LINGO2: variants seen among roughly 807,000 people sequenced by gnomAD.
LINGO2 encodes leucine rich repeat and Ig domain containing 2, also known as leucine-rich repeat and immunoglobulin-like domain-containing nogo receptor-interacting protein 2.
A neutral mutation model predicts 30.6 loss-of-function variants in LINGO2; 14 were observed. That is an observed-to-expected ratio of 0.46 (90% CI 0.30 to 0.72). The LOEUF is 0.72. Among genes scored for constraint, LINGO2 ranks in the 30% least tolerant of loss-of-function variants. The pLI is 0.07. For synonymous variants in LINGO2, 317 were observed against 288.5 expected, an observed-to-expected ratio of 1.10 and a Z score of -1.00; for missense variants, 729 against 751.7, an observed-to-expected ratio of 0.97 and a Z score of 0.35.
chr9:28,607,404 T>C (rs1398818244), intron 1 of LINGO2, among the ~76,000 whole-genome samples: 2 of 151,988 alleles, frequency 1.3e-5, no homozygotes, highest in Non-Finnish European at 2.9e-5. Context: ...TATTTTTTCC[T>C]ACTCACAGAA....
chr9:28,754,709 C>A, the LINGO2 span, among the ~76,000 whole-genome samples: 85 of 151,724 alleles, frequency 5.6e-4, 1 homozygote, highest in African/African-American at 2.0e-3. Context: ...CAGCTCCCTG[C>A]AACCTCCACC....
chr9:29,148,593 G>A, the LINGO2 span, among the ~76,000 whole-genome samples: 1 of 152,046 alleles, frequency 6.6e-6, no homozygotes, highest in Admixed American at 6.6e-5. Context: ...TTTATTCCCT[G>A]TTAATTTGGA....
the LINGO2 span, among the ~76,000 whole-genome samples, chr9:29,103,900 AC>A: frequency 6.6e-6 from 1 of 152,204 alleles, no homozygotes; most frequent in Non-Finnish European, 1.5e-5. Context: ...CCCAACTTCA[AC>A]TTTTAATAGC....
At chr9:28,762,555 T>G in the LINGO2 span, among the ~76,000 whole-genome samples, 2 of 152,038 alleles carry the variant, frequency 1.3e-5, no homozygotes, top group African/African-American at 4.8e-5. Context: ...CAATGTTTAA[T>G]TAAAGGTTTA....
chr9:28,097,683 G>T (rs11791481), intron 4 of LINGO2, among the ~76,000 whole-genome samples: 20,527 of 115,116 alleles, frequency 0.18, 2,049 homozygotes, highest in Non-Finnish European at 0.21. Context: ...TGGGGACTGT[G>T]GTGGGGTCGG....
At chr9:28,255,502 C>G (rs1003576056) in intron 4 of LINGO2, among the ~76,000 whole-genome samples, 2 of 152,062 alleles carry the variant, frequency 1.3e-5, no homozygotes, top group Non-Finnish European at 2.9e-5. Flanking sequence ...AGTAGGGATA[C>G]TGTTGGGACT....
chr9:27,941,119 G>C, the LINGO2 span: 2 of 152,136 alleles, frequency 1.3e-5, no homozygotes, highest in Admixed American at 1.3e-4. Context: ...TCTCTCTCTA[G>C]GGGCAAGCTT....
chr9:28,557,406 T>C (rs1302328668), intron 1 of LINGO2, among the ~76,000 whole-genome samples: 1 of 152,096 alleles, frequency 6.6e-6, no homozygotes, highest in Non-Finnish European at 1.5e-5. Flanking sequence ...ATGCTCATCA[T>C]CACTGGCCAT....
chr9:28,647,121 T>C (rs1487556854), intron 1 of LINGO2, among the ~76,000 whole-genome samples: 1 of 152,102 alleles, frequency 6.6e-6, no homozygotes, highest in East Asian at 1.9e-4. Flanking sequence ...GCTACTGCCA[T>C]GATTGATACC....
At chr9:28,714,188 T>TACACAC in the LINGO2 span, among the ~76,000 whole-genome samples, 1 of 73,366 alleles carries the variant, frequency 1.4e-5, no homozygotes, top group African/African-American at 6.1e-5. Context: ...TATATATATA[T>TACACAC]ACACACATAC....
chr9:28,757,448 C>T, the LINGO2 span, among the ~76,000 whole-genome samples: 1 of 151,898 alleles, frequency 6.6e-6, no homozygotes, highest in African/African-American at 2.4e-5. Context: ...AATTTGTATT[C>T]AAATTGTGGT....
At chr9:28,401,161 CT>C (rs915860207) in intron 2 of LINGO2, among the ~76,000 whole-genome samples, 5 of 151,822 alleles carry the variant, frequency 3.3e-5, no homozygotes, top group South Asian at 2.1e-4. Context: ...TTTAAATGTT[CT>C]TTTTTTTCCT....
chr9:28,123,627 C>T (rs370842372), intron 4 of LINGO2, among the ~76,000 whole-genome samples: 4 of 152,020 alleles, frequency 2.6e-5, no homozygotes, highest in African/African-American at 9.7e-5. Flanking sequence ...AAATGTGAAC[C>T]CTTCTATAAA....
At chr9:28,858,406 G>C in the LINGO2 span, among the ~76,000 whole-genome samples, 3 of 152,046 alleles carry the variant, frequency 2.0e-5, no homozygotes, top group East Asian at 5.8e-4. Flanking sequence ...TAGAACTACT[G>C]ATCTAATTTC....
the LINGO2 span, among the ~76,000 whole-genome samples, chr9:29,113,180 A>C: frequency 6.6e-6 from 1 of 152,356 alleles, no homozygotes; most frequent in South Asian, 2.1e-4. Flanking sequence ...GCACTAACTT[A>C]TTATAACATG....
chr9:28,377,686 A>G (rs1821184638), intron 2 of LINGO2, among the ~76,000 whole-genome samples: 1 of 152,182 alleles, frequency 6.6e-6, no homozygotes, highest in South Asian at 2.1e-4. Flanking sequence ...CCTTAATTAT[A>G]CTAGCCTATT....
chr9:27,959,981 T>C (rs143223992), intron 5 of LINGO2, among the ~76,000 whole-genome samples: 209 of 152,282 alleles, frequency 1.4e-3, no homozygotes, highest in African/African-American at 4.9e-3. Context: ...TTCTGATGTA[T>C]AAATCATTTA....
intron 4 of LINGO2, among the ~76,000 whole-genome samples, chr9:28,183,320 G>A (rs1819425534): frequency 6.6e-6 from 1 of 152,060 alleles, no homozygotes; most frequent in Admixed American, 6.6e-5. Flanking sequence ...GGGGGGCGAG[G>A]GGAGGGAACT....
chr9:28,366,817 T>A (rs1255194964), intron 3 of LINGO2, among the ~76,000 whole-genome samples: 2 of 152,058 alleles, frequency 1.3e-5, no homozygotes, highest in Non-Finnish European at 2.9e-5. Context: ...AAAAGCCAAG[T>A]AGTTCTATAA....
Sources: allele counts gnomAD v4.1 joint callset (sites outside exome capture counted in the v4.1 genomes callset), GRCh38; gene constraint gnomAD v4.1.1; transcripts MANE v1.5; gene names NCBI Gene and HGNC (gene_info 2026-07-23, HGNC 2026-07-21).